Variants in NDST4 observed in about 807,000 individuals in gnomAD.
NDST4 encodes N-heparan sulfate sulfotransferase 4.
In NDST4, 63 loss-of-function variants were observed where a neutral mutation model predicts 100.8. The observed-to-expected ratio is 0.62, with a 90% CI of 0.51 to 0.77. The LOEUF (loss-of-function observed/expected upper bound fraction) is 0.77. Ranked by LOEUF, NDST4 falls within the 30% of genes least tolerant of loss-of-function variation. The probability of loss-of-function intolerance (pLI) is 0.00; values close to 1 mark genes in which losing one functional copy is unlikely to be tolerated. For missense variants in NDST4, 943 were observed against 1,018.4 expected (o/e 0.93, Z 1.01); for synonymous variants, 377 against 361.8 (o/e 1.04, Z -0.48).
At chr4:115,088,499 G>A (rs1220000881) in intron 1 of NDST4, among the ~76,000 whole-genome samples, 1 of 151,856 alleles carries the variant, frequency 6.6e-6, no homozygotes, top group East Asian at 1.9e-4. Flanking sequence ...TCAGGTATCT[G>A]AATGGCTTCA....
chr4:115,015,783 C>A (rs758795724), intron 2 of NDST4, among the ~76,000 whole-genome samples: 6 of 151,986 alleles, frequency 3.9e-5, no homozygotes, highest in Middle Eastern at 3.2e-3. Context: ...ATGTTATCCA[C>A]GGGCTCAGCA....
At chr4:115,096,204 C>CTGACTT (rs1560598947) in intron 1 of NDST4, among the ~76,000 whole-genome samples, 1 of 17,998 alleles carries the variant, frequency 5.6e-5, no homozygotes, top group Non-Finnish European at 1.1e-4. Flanking sequence ...CATTACTCAA[C>CTGACTT]ACATTTTTTA....
intron 4 of NDST4, among the ~76,000 whole-genome samples, chr4:114,954,765 A>G (rs994218): frequency 0.65 from 98,687 of 152,060 alleles, 32,183 homozygotes; most frequent in Non-Finnish European, 0.69. Flanking sequence ...GTTGGAGATG[A>G]AGCCTGGTAG....
chr4:115,016,814 G>A (rs1273671575), intron 2 of NDST4, among the ~76,000 whole-genome samples: 3 of 152,036 alleles, frequency 2.0e-5, no homozygotes, highest in East Asian at 1.9e-4. Context: ...GAAGGTGTGG[G>A]TCATCCCACC....
chr4:115,096,121 A>G (rs1018285268), intron 1 of NDST4, among the ~76,000 whole-genome samples: 4 of 150,382 alleles, frequency 2.7e-5, no homozygotes, highest in African/African-American at 9.8e-5. Flanking sequence ...CATGATGTAC[A>G]TTTTTTAAAA....
intron 6 of NDST4, among the ~76,000 whole-genome samples, chr4:114,908,099 G>A (rs1242628785): frequency 6.6e-6 from 1 of 152,052 alleles, no homozygotes; most frequent in Non-Finnish European, 1.5e-5. Context: ...AACAACAGAG[G>A]AATGATCAAG....
chr4:114,960,037 C>T (rs755130280), intron 4 of NDST4, among the ~76,000 whole-genome samples: 55 of 151,972 alleles, frequency 3.6e-4, no homozygotes, highest in Admixed American at 7.2e-4. Flanking sequence ...TTGAAAGTCG[C>T]AAAAGAACTC....
At chr4:115,012,804 G>A (rs1215291840) in intron 2 of NDST4, among the ~76,000 whole-genome samples, 1 of 151,942 alleles carries the variant, frequency 6.6e-6, no homozygotes, top group Non-Finnish European at 1.5e-5. Context: ...TTCATCAGTA[G>A]ACAAATGGAT....
intron 7 of NDST4, among the ~76,000 whole-genome samples, chr4:114,855,629 C>T (rs921842557): frequency 6.6e-6 from 1 of 152,046 alleles, no homozygotes; most frequent in Non-Finnish European, 1.5e-5. Context: ...TTTCATTGGT[C>T]TATGTGTCTA....
In NDST4 at chr4:115,076,926, G is replaced by A. The variant is rs143774400; in HGVS notation, c.111C>T (p.Tyr37=). ...TTTCAATAAGTGTCATTTCCTGTTT[G>A]TAGCCAGAGTAGAGAAAATAGGCAG... ...VISAYFLYSG[Y]KQEMTLIETT... Residue 37 remains tyrosine (Y), a synonymous_variant, in exon 2 of 14, where the codon TAC becomes TAT. Transcript: ENST00000264363. 4.7e-3 allele frequency: 7,637 copies of A among 1,613,644 alleles called. 22 individuals are homozygous for A. The highest frequency in any genetic ancestry group is 5.9e-3 in the Non-Finnish European group (6,952 of 1,179,792).
chr4:115,003,946 C>T (rs553310401), intron 2 of NDST4, among the ~76,000 whole-genome samples: 16 of 152,102 alleles, frequency 1.1e-4, no homozygotes, highest in Middle Eastern at 3.4e-3. Flanking sequence ...ATAGATGTTT[C>T]CCCTTCTTAC....
At chr4:115,101,792 T>C (rs1729734987) in intron 1 of NDST4, among the ~76,000 whole-genome samples, 1 of 152,118 alleles carries the variant, frequency 6.6e-6, no homozygotes, top group Non-Finnish European at 1.5e-5. Flanking sequence ...TACAAAACTT[T>C]CTGTCATGAG....
intron 4 of NDST4, among the ~76,000 whole-genome samples, chr4:114,969,177 A>G (rs1219910789): frequency 3.3e-5 from 5 of 151,108 alleles, no homozygotes; most frequent in Non-Finnish European, 7.4e-5. Flanking sequence ...AGCCGGGCGT[A>G]GTGGCGGGCG....
At chr4:115,003,334 T>C (rs909301684) in intron 2 of NDST4, among the ~76,000 whole-genome samples, 4 of 152,144 alleles carry the variant, frequency 2.6e-5, no homozygotes, top group African/African-American at 7.2e-5. Context: ...AATTCACAGA[T>C]TGTAGTGATA....
At chr4:115,021,400 T>TATAAATACATTCCAC (rs1727817177) in intron 2 of NDST4, among the ~76,000 whole-genome samples, 1 of 151,432 alleles carries the variant, frequency 6.6e-6, no homozygotes, top group Non-Finnish European at 1.5e-5. Flanking sequence ...ATACATTCCA[T>TATAAATACATTCCAC]ATAAATACAT....
intron 4 of NDST4, among the ~76,000 whole-genome samples, chr4:114,939,616 A>G (rs529939503): frequency 3.9e-5 from 6 of 152,156 alleles, no homozygotes; most frequent in African/African-American, 1.4e-4. Flanking sequence ...TCAAACAACT[A>G]TATCTCCTCA....
intron 6 of NDST4, among the ~76,000 whole-genome samples, chr4:114,906,743 G>A (rs2126212574): frequency 6.6e-6 from 1 of 151,832 alleles, no homozygotes; most frequent in East Asian, 1.9e-4. Context: ...TAAAACATAT[G>A]AAGATATATT....
At chr4:115,086,671 A>G (rs1415141220) in intron 1 of NDST4, among the ~76,000 whole-genome samples, 2 of 152,076 alleles carry the variant, frequency 1.3e-5, no homozygotes, top group East Asian at 3.9e-4. Flanking sequence ...TAGAAGAGTA[A>G]ATGTCAGGCG....
At chr4:115,022,241 G>A (rs376305149) in intron 2 of NDST4, among the ~76,000 whole-genome samples, 83 of 148,830 alleles carry the variant, frequency 5.6e-4, no homozygotes, top group Non-Finnish European at 9.0e-4. Flanking sequence ...TACGTTCCAC[G>A]TCTATGCACG....
Sources: allele counts gnomAD v4.1 joint callset (sites outside exome capture counted in the v4.1 genomes callset), GRCh38; gene constraint gnomAD v4.1.1; transcripts MANE v1.5; gene names NCBI Gene and HGNC (gene_info 2026-07-23, HGNC 2026-07-21).